ABR: variants seen among roughly 807,000 people sequenced by gnomAD.
ABR encodes active breakpoint cluster region-related protein.
In ABR, 35 loss-of-function variants were observed where a neutral mutation model predicts 107.2. The ratio of observed to expected loss-of-function variants is 0.33; its 90% CI spans 0.25 to 0.43. The LOEUF (loss-of-function observed/expected upper bound fraction) is 0.43, where lower values mean the gene tolerates loss of function less well. Among genes scored for constraint, ABR ranks in the 20% least tolerant of loss-of-function variants. The pLI, the probability that ABR is intolerant of heterozygous loss-of-function variation, is 1.00. For missense variants in ABR, 815 were observed against 1,115.2 expected, an observed-to-expected ratio of 0.73 and a Z score of 3.83; for synonymous variants, 498 against 462.0, an observed-to-expected ratio of 1.08 and a Z score of -1.00.
chr17:1,048,590 G>A (rs573457017), intron 16 of ABR, among the ~76,000 whole-genome samples: 1 of 133,016 alleles, frequency 7.5e-6, no homozygotes. Context: ...GATCACGTCC[G>A]GGGCCACGGT....
At chr17:1,087,412 G>A (rs935318279) in intron 4 of ABR, among the ~76,000 whole-genome samples, 10 of 152,050 alleles carry the variant, frequency 6.6e-5, no homozygotes, top group African/African-American at 1.7e-4. Flanking sequence ...GCAGGGGAGC[G>A]GGGGGCATCT....
At chr17:1,214,221 C>T (rs1226645583) in intron 1 of ABR, among the ~76,000 whole-genome samples, 3 of 151,922 alleles carry the variant, frequency 2.0e-5, no homozygotes, top group East Asian at 1.9e-4. Context: ...TGGACTTCCC[C>T]GCCCCCCACC....
upstream of ABR, among the ~76,000 whole-genome samples, chr17:1,184,515 C>A (rs7211354): frequency 0.017 from 2,638 of 152,214 alleles, 61 homozygotes; most frequent in African/African-American, 0.06. Flanking sequence ...CAGTGCTCAG[C>A]GCAGTGGGTG....
chr17:1,132,873 T>C (rs149909948), intron 1 of ABR, among the ~76,000 whole-genome samples: 2 of 152,302 alleles, frequency 1.3e-5, no homozygotes, highest in African/African-American at 2.4e-5. Context: ...TGGCAAGGAT[T>C]TTAAGATAAT....
In ABR at chr17:1,004,923, G is replaced by A. The variant is rs1001918416; in HGVS notation, c.*1157C>T. On this transcript the variant is annotated 3_prime_UTR_variant, in exon 23 of 23. Transcript: ENST00000302538. ...AGTGTGTGTAAAATCTAAGGCAAGA[G>A]TACCACGAGGTCCTGCGGTGCCAGG... 5 of 398,140 alleles carry A rather than the reference G, an allele frequency of 1.3e-5. No individual in the cohort carries two copies. The highest frequency in any genetic ancestry group is 2.2e-5 in the Non-Finnish European group (5 of 225,926). The allele number at this position is 398,140 out of a possible 1,614,324, so 24.7% of individuals were successfully genotyped here.
chr17:1,111,246 GACGCCC>G (rs2038659334), intron 2 of ABR, among the ~76,000 whole-genome samples: 1 of 152,188 alleles, frequency 6.6e-6, no homozygotes. Flanking sequence ...TGGTGAGACT[GACGCCC>G]ACTTCTTCCC....
chr17:1,147,528 T>C (rs2040606170), intron 1 of ABR, among the ~76,000 whole-genome samples: 1 of 152,014 alleles, frequency 6.6e-6, no homozygotes, highest in African/African-American at 2.4e-5. Flanking sequence ...ACTCAGCTAA[T>C]TTTTATATTT....
In ABR at chr17:1,011,729, G is replaced by C. The variant is rs906496813; in HGVS notation, c.2101+117C>G. 2 of 1,326,032 alleles carry C rather than the reference G, an allele frequency of 1.5e-6. No homozygotes were observed. The highest frequency in any genetic ancestry group is 4.8e-5 in the East Asian group (2 of 41,976). The allele number at this position is 1,326,032 out of a possible 1,614,324, so 82.1% of individuals were successfully genotyped here. A position where few individuals can be genotyped will look rare whatever the true frequency, so the allele number is the denominator to read the frequency against. The stretch of plus-strand genomic sequence containing the variant: ...AGAAAGCACTTGCCACGGGGACTCT[G>C]AAGCAGAGCAAGCCTCCTCTCCAGG... On this transcript the variant is annotated intron_variant, in intron 19 of 22. Transcript: ENST00000302538. The surrounding 1 kb of genome is among the most constrained non-coding windows in gnomAD (Gnocchi z 4.8).
At chr17:1,136,105 T>C (rs12937177) in intron 1 of ABR, among the ~76,000 whole-genome samples, 67,071 of 151,648 alleles carry the variant, frequency 0.44, 15,151 homozygotes, top group East Asian at 0.55. Context: ...CTTCTGTCCT[T>C]TGAAACTTCG....
intron 8 of ABR, 50 bp downstream of exon 8, chr17:1,072,564 C>T (rs62067901): frequency 0.053 from 67,496 of 1,278,360 alleles, 5,145 homozygotes; most frequent in Middle Eastern, 0.069. Context: ...GGACGAGGGA[C>T]CTGATACTTC....
chr17:1,085,363 G>C (rs375177727), intron 4 of ABR, among the ~76,000 whole-genome samples: 1 of 150,948 alleles, frequency 6.6e-6, no homozygotes, highest in Non-Finnish European at 1.5e-5. Flanking sequence ...TGATCCACCC[G>C]CCTCGGCCTC....
intron 6 of ABR, among the ~76,000 whole-genome samples, chr17:1,074,901 A>G (rs999543929): frequency 6.6e-6 from 1 of 152,210 alleles, no homozygotes; most frequent in Admixed American, 6.5e-5. Flanking sequence ...AGCCAAGATC[A>G]TGCCACTGCA....
At chr17:1,101,890 C>A (rs562120735) in intron 2 of ABR, among the ~76,000 whole-genome samples, 14 of 152,066 alleles carry the variant, frequency 9.2e-5, no homozygotes, top group Admixed American at 5.9e-4. Flanking sequence ...CCCGCCACCA[C>A]GCCCAGCTAA....
At chr17:1,089,451 G>A (rs1217086302) in intron 4 of ABR, among the ~76,000 whole-genome samples, 1 of 152,234 alleles carries the variant, frequency 6.6e-6, no homozygotes, top group Admixed American at 6.5e-5. Flanking sequence ...TTGCCCAGTT[G>A]CAGGTTTAAT....
chr17:1,008,697 G>C (rs1023027360), intron 21 of ABR, among the ~76,000 whole-genome samples: 1 of 152,224 alleles, frequency 6.6e-6, no homozygotes, highest in Non-Finnish European at 1.5e-5. Flanking sequence ...CTGAGCTGCA[G>C]CGGGGGGCCT....
intron 16 of ABR, among the ~76,000 whole-genome samples, chr17:1,038,372 GTC>G (rs779328949): frequency 3.9e-5 from 6 of 152,224 alleles, no homozygotes; most frequent in Non-Finnish European, 5.9e-5. Flanking sequence ...CTCCAGTCGT[GTC>G]TCTGCTTCTC....
chr17:1,208,637 C>T (rs1011720017), intron 1 of ABR, among the ~76,000 whole-genome samples: 2 of 152,192 alleles, frequency 1.3e-5, no homozygotes, highest in African/African-American at 4.8e-5. Context: ...GCCTCTTATC[C>T]CAGCACTTTG....
At chr17:1,060,202 G>A (rs2033765448) in intron 10 of ABR, among the ~76,000 whole-genome samples, 1 of 152,174 alleles carries the variant, frequency 6.6e-6, no homozygotes, top group Admixed American at 6.6e-5. Context: ...TTTGAGGTCA[G>A]GAGTTCGAGA....
chr17:1,063,039 G>C (rs879221900), intron 10 of ABR, among the ~76,000 whole-genome samples: 1 of 137,910 alleles, frequency 7.3e-6, no homozygotes, highest in Non-Finnish European at 1.6e-5. Flanking sequence ...TGTTCCTCTA[G>C]ACGCTGTTGT....
Sources: gnomAD v4.1 joint callset for allele counts (sites outside exome capture counted in the v4.1 genomes callset) on GRCh38, gnomAD v4.1.1 for gene constraint, Gnocchi (gnomAD v3.1) non-coding constraint, MANE v1.5 for transcripts, NCBI Gene and HGNC (gene_info 2026-07-23, HGNC 2026-07-21) for gene names.